Variants in TBC1D4 observed in about 807,000 individuals in gnomAD.
TBC1D4 encodes TBC1 domain family member 4, also known as TBC (Tre-2, BUB2, CDC16) domain-containing protein.
In TBC1D4, 121 loss-of-function variants were observed where a neutral mutation model predicts 142.5. The observed-to-expected ratio is 0.85, with a 90% CI of 0.73 to 0.99. TBC1D4 has a LOEUF of 0.99. Ranked by LOEUF, TBC1D4 falls within the 50% of genes least tolerant of loss-of-function variation. The probability of loss-of-function intolerance (pLI) is 0.00; values close to 1 mark genes in which losing one functional copy is unlikely to be tolerated. For missense variants in TBC1D4, 1,475 were observed against 1,606.6 expected (o/e 0.92, Z 1.40); for synonymous variants, 630 against 628.2 (o/e 1.00, Z -0.04).
chr13:75,340,005 C>T (rs1880548942), intron 7 of TBC1D4, among the ~76,000 whole-genome samples: 1 of 152,238 alleles, frequency 6.6e-6, no homozygotes, highest in Non-Finnish European at 1.5e-5. Flanking sequence ...AAAGACACAG[C>T]TACTTTTGTG....
At chr13:75,387,327 AAT>A (rs1884237508) in intron 1 of TBC1D4, among the ~76,000 whole-genome samples, 1 of 152,214 alleles carries the variant, frequency 6.6e-6, no homozygotes, top group Non-Finnish European at 1.5e-5. Flanking sequence ...GATAATGGTT[AAT>A]ATTATCTTTT....
At chr13:75,389,708 T>G (rs1443902682) in intron 1 of TBC1D4, among the ~76,000 whole-genome samples, 1 of 152,168 alleles carries the variant, frequency 6.6e-6, no homozygotes, top group Non-Finnish European at 1.5e-5. Context: ...TCATATGAAT[T>G]ATTACAATTT....
intron 11 of TBC1D4, 126 bp downstream of exon 11, chr13:75,324,111 G>T: frequency 8.9e-7 from 1 of 1,119,496 alleles, no homozygotes; most frequent in Non-Finnish European, 1.3e-6. Context: ...ATTAGAAACA[G>T]ATTAGAACAA....
intron 13 of TBC1D4, among the ~76,000 whole-genome samples, chr13:75,311,441 A>G (rs916346729): frequency 1.3e-5 from 2 of 151,946 alleles, no homozygotes; most frequent in Admixed American, 6.6e-5. Context: ...ATATATATTC[A>G]TTGACCTCTG....
chr13:75,436,886 T>C (rs1277096449), intron 1 of TBC1D4, among the ~76,000 whole-genome samples: 2 of 152,178 alleles, frequency 1.3e-5, no homozygotes, highest in Non-Finnish European at 2.9e-5. Flanking sequence ...TAATGGGACA[T>C]ATTGACATCT....
At chr13:75,351,370 A>G (rs559126105) in intron 4 of TBC1D4, among the ~76,000 whole-genome samples, 1 of 151,906 alleles carries the variant, frequency 6.6e-6, no homozygotes, top group African/African-American at 2.4e-5. Context: ...CATCAATCCT[A>G]TTTTTTTGGG....
chr13:75,326,456 C>A, intron 9 of TBC1D4, 33 bp from the exon 10 acceptor site: 1 of 1,610,030 alleles, frequency 6.2e-7, no homozygotes, highest in South Asian at 1.1e-5. Flanking sequence ...CCCTTTATTT[C>A]CCACGTGGGT....
chr13:75,371,348 C>A (rs527804648), intron 1 of TBC1D4, among the ~76,000 whole-genome samples: 1 of 152,098 alleles, frequency 6.6e-6, no homozygotes, highest in Non-Finnish European at 1.5e-5. Context: ...ATTGCTGGAG[C>A]AATCTCCTTA....
chr13:75,448,017 G>A (rs1033262579), intron 1 of TBC1D4, among the ~76,000 whole-genome samples: 1 of 152,152 alleles, frequency 6.6e-6, no homozygotes, highest in Non-Finnish European at 1.5e-5. Flanking sequence ...CACAATAAAT[G>A]TAATGCTCTT....
chr13:75,412,544 ATCC>A (rs1292953650), intron 1 of TBC1D4, among the ~76,000 whole-genome samples: 2 of 152,152 alleles, frequency 1.3e-5, no homozygotes, highest in Non-Finnish European at 2.9e-5. Context: ...GGCTCAAGCA[ATCC>A]TCCCACTTCA....
chr13:75,370,233 G>T (rs527801084), intron 1 of TBC1D4, among the ~76,000 whole-genome samples: 1 of 152,178 alleles, frequency 6.6e-6, no homozygotes, highest in Non-Finnish European at 1.5e-5. Flanking sequence ...GTGAGCACGC[G>T]ATTATGGGGG....
At chr13:75,410,805 G>T (rs1183527954) in intron 1 of TBC1D4, among the ~76,000 whole-genome samples, 1 of 150,246 alleles carries the variant, frequency 6.7e-6, no homozygotes, top group Non-Finnish European at 1.5e-5. Context: ...GCGTGGTAGC[G>T]GGCACCTGTA....
chr13:75,390,415 G>C (rs1385983152), intron 1 of TBC1D4, among the ~76,000 whole-genome samples: 1 of 152,102 alleles, frequency 6.6e-6, no homozygotes, highest in Non-Finnish European at 1.5e-5. Flanking sequence ...ATTAGGATGT[G>C]GAATCACCTA....
At chr13:75,328,629 A>G (rs543833982) in intron 8 of TBC1D4, among the ~76,000 whole-genome samples, 2 of 152,286 alleles carry the variant, frequency 1.3e-5, no homozygotes, top group South Asian at 4.1e-4. Flanking sequence ...CAAAACACAG[A>G]CTGAGGAGTT....
chr13:75,402,092 C>T (rs1251540252), intron 1 of TBC1D4, among the ~76,000 whole-genome samples: 2 of 152,094 alleles, frequency 1.3e-5, no homozygotes, highest in Non-Finnish European at 2.9e-5. Flanking sequence ...GTACCACCCA[C>T]CAAGGGTGCC....
At chr13:75,451,993 C>T (rs1887552115) in intron 1 of TBC1D4, among the ~76,000 whole-genome samples, 1 of 151,840 alleles carries the variant, frequency 6.6e-6, no homozygotes, top group Non-Finnish European at 1.5e-5. Context: ...TTCTTTAGTA[C>T]AAGATGTAAT....
chr13:75,439,118 C>T lies in TBC1D4; in HGVS notation c.498+42152G>A, dbSNP rs544167631. Among the ~76,000 whole-genome samples, 5 of 152,172 alleles carry T rather than the reference C, an allele frequency of 3.3e-5. No individual in the cohort carries two copies. The South Asian group carries it at 8.3e-4, about 25-fold the overall frequency. On this transcript the variant is annotated intron_variant, in intron 1 of 20. Transcript: ENST00000377636. ...TGTGTTTGCCATAGACAAAATCTCC[C>T]GAAAAACTGTCTTGTTCCTTATCCA... is the stretch of plus-strand genomic sequence containing the variant.
At chr13:75,327,457 C>T (rs150672195) in intron 9 of TBC1D4, among the ~76,000 whole-genome samples, 41 of 152,206 alleles carry the variant, frequency 2.7e-4, no homozygotes, top group South Asian at 1.2e-3. Flanking sequence ...TATATAATTA[C>T]TAATATATGG....
rs140510672 is a variant in TBC1D4 at position 75,365,306 on chromosome 13, T to C, written c.499-2699A>G. ...TGAATGACATGGGTTGCAGAGACTC[T>C]GCAAAACTAATCTAACAACAGCTCT... On this transcript the variant is annotated intron_variant, in intron 1 of 20. Coordinates refer to ENST00000377636, the MANE Select transcript of TBC1D4 (RefSeq NM_014832.5). 2.9e-3 allele frequency among the ~76,000 whole-genome samples: 440 copies of C among 151,942 alleles called. 1 individual carries two copies. Among genetic ancestry groups the C allele is most frequent in the African/African-American group, 0.01 (414 of 41,362 alleles).
Sources: gnomAD v4.1 joint callset for allele counts (sites outside exome capture counted in the v4.1 genomes callset) on GRCh38, gnomAD v4.1.1 for gene constraint, MANE v1.5 for transcripts, NCBI Gene and HGNC (gene_info 2026-07-23, HGNC 2026-07-21) for gene names.